The following EIF4G3 variants were observed in gnomAD, a reference collection of about 807,000 sequenced individuals.
EIF4G3 encodes the protein eukaryotic translation initiation factor 4 gamma 3.
EIF4G3 carries 34 observed loss-of-function variants against 186.4 expected under a neutral mutation model. That is an observed-to-expected ratio of 0.18 (90% CI 0.14 to 0.24). EIF4G3 has a LOEUF of 0.24. EIF4G3 is among the 10% of genes least tolerant of loss of function. EIF4G3 has a pLI of 1.00. For synonymous variants in EIF4G3, 673 were observed against 679.5 expected (o/e 0.99, Z 0.15); for missense variants, 1,536 against 1,948.5 (o/e 0.79, Z 3.99).
At chr1:21,046,885 C>T (rs2093924535) in intron 4 of EIF4G3, among the ~76,000 whole-genome samples, 1 of 152,092 alleles carries the variant, frequency 6.6e-6, no homozygotes. Context: ...GATACATGCA[C>T]ACACACACAT....
At chr1:21,019,507 C>G (rs537929146) in intron 4 of EIF4G3, among the ~76,000 whole-genome samples, 1 of 152,038 alleles carries the variant, frequency 6.6e-6, no homozygotes, top group Non-Finnish European at 1.5e-5. Flanking sequence ...AAACATGATG[C>G]CTTTTTTATG....
At chr1:20,909,956 A>C (rs569426415) in intron 14 of EIF4G3, among the ~76,000 whole-genome samples, 1 of 151,698 alleles carries the variant, frequency 6.6e-6, no homozygotes, top group East Asian at 1.9e-4. Flanking sequence ...TAATTTTTTT[A>C]ATGTTTTGTA....
At chr1:21,094,329 T>A (rs1052980830) in intron 2 of EIF4G3, among the ~76,000 whole-genome samples, 1 of 151,994 alleles carries the variant, frequency 6.6e-6, no homozygotes, top group Non-Finnish European at 1.5e-5. Flanking sequence ...ATACGTTTAT[T>A]GCGGCACAAT....
chr1:20,982,250 G>GC (rs2078447646), intron 8 of EIF4G3, 138 bp downstream of exon 8: 1 of 652,444 alleles, frequency 1.5e-6, no homozygotes, highest in South Asian at 2.4e-5. Context: ...AATTTTCACT[G>GC]CAAGATTAAA....
chr1:20,825,957 A>G (rs1409762547), intron 32 of EIF4G3, among the ~76,000 whole-genome samples: 1 of 152,234 alleles, frequency 6.6e-6, no homozygotes, highest in African/African-American at 2.4e-5. Flanking sequence ...GGAAAATGCC[A>G]GGTTTGAGGC....
At chr1:21,159,771 A>G (rs976366830) in intron 2 of EIF4G3, among the ~76,000 whole-genome samples, 3 of 151,948 alleles carry the variant, frequency 2.0e-5, no homozygotes, top group African/African-American at 7.3e-5. Context: ...GTTTGAGACC[A>G]GCCTGGGCAA....
At chr1:21,027,667 G>C (rs777271312) in intron 4 of EIF4G3, among the ~76,000 whole-genome samples, 6 of 152,072 alleles carry the variant, frequency 3.9e-5, no homozygotes, top group Non-Finnish European at 8.8e-5. Context: ...TGTGGAGAAA[G>C]TGGAACTCTT....
chr1:21,101,176 T>A (rs2096510088), intron 2 of EIF4G3, among the ~76,000 whole-genome samples: 1 of 152,072 alleles, frequency 6.6e-6, no homozygotes, highest in East Asian at 1.9e-4. Flanking sequence ...CATGGTTAAC[T>A]ATCAATGAAA....
Position 20,864,660 on chromosome 1 carries a change from G to A in EIF4G3, c.2822C>T (p.Ala941Val). ...HDELEEAKDK[A>V]RRRSIGNIKF... ...GATGTTGCCAATGGATCTCCGCCGG[G>A]CTTTGTCCTTGGCTTCTTCCAGTTC... The change falls in exon 22 of 37, where the codon GCC (alanine) becomes GTC (valine). Residue 941 changes from alanine to valine, a missense_variant. By Grantham distance (64) the Ala-to-Val change is moderately conservative. Coordinates refer to ENST00000602326, the MANE Select transcript of EIF4G3 (RefSeq NM_001391906.1). 6.2e-7 allele frequency: 1 copy of A among 1,614,146 alleles called. No individual in the cohort carries two copies. Among genetic ancestry groups the A allele is most frequent in the Non-Finnish European group, 8.5e-7 (1 of 1,180,024 alleles).
chr1:21,041,707 T>C (rs1322523293), intron 4 of EIF4G3, among the ~76,000 whole-genome samples: 2 of 152,236 alleles, frequency 1.3e-5, no homozygotes, highest in Non-Finnish European at 2.9e-5. Context: ...CAACATGGTT[T>C]CTGCAATATG....
At chr1:21,089,649 G>A (rs559804412) in intron 2 of EIF4G3, among the ~76,000 whole-genome samples, 110 of 151,994 alleles carry the variant, frequency 7.2e-4, no homozygotes, top group African/African-American at 2.4e-3. Flanking sequence ...TAAATTAGCC[G>A]AGTGTGGTTG....
At chr1:21,053,503 AGT>A (rs2094389519) in intron 3 of EIF4G3, among the ~76,000 whole-genome samples, 1 of 142,944 alleles carries the variant, frequency 7.0e-6, no homozygotes. Context: ...GGAAGTGAGG[AGT>A]CCCTCTGCCC....
chr1:20,815,752 G>A (rs2060526654), intron 34 of EIF4G3, among the ~76,000 whole-genome samples: 1 of 132,896 alleles, frequency 7.5e-6, no homozygotes, highest in Non-Finnish European at 1.6e-5. Flanking sequence ...CCTCTGCCCG[G>A]CCAGTTGCCC....
intron 13 of EIF4G3, among the ~76,000 whole-genome samples, chr1:20,944,861 T>C (rs907400674): frequency 6.6e-6 from 1 of 151,756 alleles, no homozygotes; most frequent in Non-Finnish European, 1.5e-5. Flanking sequence ...TTCTACAAGC[T>C]GGGCATGGTG....
In EIF4G3 at chr1:20,810,769, T is replaced by C. The variant is rs143973495; in HGVS notation, c.4713A>G (p.Gln1571=). The C allele has an allele frequency of 1.8e-4, 287 of 1,614,008 alleles. No homozygotes were observed. Among genetic ancestry groups the C allele is most frequent in the Non-Finnish European group, 1.9e-4 (230 of 1,179,992 alleles). The change falls in exon 36 of 37, where the codon CAA becomes CAG. Residue 1571 remains glutamine, a synonymous_variant. Transcript: ENST00000602326. The surrounding 1 kb of genome is among the most constrained non-coding windows in gnomAD (Gnocchi z 4.1). ...EKELQALYAL[Q]ASIVKLDQPA... ...GTTGATCAAGTTTTACTATCGATGC[T>C]TGTAGTGCATAAAGTGCTTGCAGTT... is the stretch of plus-strand genomic sequence containing the variant.
At chr1:20,863,768 AG>A (rs35191033) in intron 22 of EIF4G3, among the ~76,000 whole-genome samples, 4 of 38,804 alleles carry the variant, frequency 1.0e-4, no homozygotes, top group Non-Finnish European at 1.3e-4. Context: ...AAAAAAAAAA[AG>A]AGAGAGAGAG....
chr1:20,922,861 A>G (rs1176059930), intron 14 of EIF4G3, among the ~76,000 whole-genome samples: 2 of 152,322 alleles, frequency 1.3e-5, no homozygotes, highest in South Asian at 2.1e-4. Context: ...CCAGCAACCA[A>G]TACAGTGCCT....
At chr1:20,923,813 A>G (rs925631786) in intron 14 of EIF4G3, among the ~76,000 whole-genome samples, 1 of 70,186 alleles carries the variant, frequency 1.4e-5, no homozygotes, top group Non-Finnish European at 4.0e-5. Context: ...CCATCCCTAT[A>G]TATATATATA....
Position 21,174,867 on chromosome 1 carries a change from T to A in EIF4G3, c.-272+1308A>T, listed in dbSNP as rs542620702. On this transcript the variant is annotated intron_variant, in intron 2 of 36. Coordinates refer to ENST00000602326, the MANE Select transcript of EIF4G3 (RefSeq NM_001391906.1). ...TTTACACTGCACCGCGGTGCCTGGA[T>A]TGAAAATCACGAACTAGGTTTAAAG... 8 of 152,270 alleles carry A rather than the reference T, an allele frequency of 5.3e-5. No individual in the cohort carries two copies. In the East Asian group the frequency reaches 9.6e-4, roughly 18 times the overall value. 9.4% of individuals were successfully genotyped at this position (152,270 alleles called of 1,614,324 possible).
Sources: allele counts gnomAD v4.1 joint callset (sites outside exome capture counted in the v4.1 genomes callset), GRCh38; gene constraint gnomAD v4.1.1; non-coding constraint Gnocchi (gnomAD v3.1); transcripts MANE v1.5; gene names NCBI Gene and HGNC (gene_info 2026-07-23, HGNC 2026-07-21).